The following MERTK variants were observed in gnomAD, a reference collection of about 807,000 sequenced individuals.
The protein encoded by MERTK is MER proto-oncogene, tyrosine kinase.
In MERTK, 69 loss-of-function variants were observed where a neutral mutation model predicts 99.3. That is an observed-to-expected ratio of 0.70 (90% CI 0.57 to 0.85). The LOEUF is 0.85. Among genes scored for constraint, MERTK ranks in the 40% least tolerant of loss-of-function variants. The pLI, the probability that MERTK is intolerant of heterozygous loss-of-function variation, is 0.00. For synonymous variants in MERTK, 426 were observed against 467.6 expected (o/e 0.91, Z 1.15); for missense variants, 1,125 against 1,249.4 (o/e 0.90, Z 1.50).
chr2:111,942,128 T>C (rs982844387), intron 2 of MERTK, among the ~76,000 whole-genome samples: 6 of 152,216 alleles, frequency 3.9e-5, no homozygotes, highest in Non-Finnish European at 8.8e-5. Context: ...TGAGTCCAGC[T>C]GCAAGCCTGC....
At chr2:111,919,605 T>G (rs1170381576) in intron 1 of MERTK, among the ~76,000 whole-genome samples, 1 of 151,764 alleles carries the variant, frequency 6.6e-6, no homozygotes, top group African/African-American at 2.4e-5. Flanking sequence ...TTGGGAAGCT[T>G]CTTTTGCAAA....
At chr2:111,975,254 C>A (rs1411367307) in intron 6 of MERTK, 35 bp from the exon 7 acceptor site, 1 of 1,610,590 alleles carries the variant, frequency 6.2e-7, no homozygotes, top group Non-Finnish European at 8.5e-7. Flanking sequence ...CACCACCTTA[C>A]TAATGCCCGG....
At chr2:111,911,387 T>C (rs1338107195) in intron 1 of MERTK, among the ~76,000 whole-genome samples, 1 of 152,128 alleles carries the variant, frequency 6.6e-6, no homozygotes, top group Non-Finnish European at 1.5e-5. Flanking sequence ...TTTTGTTTTT[T>C]TGTTTTCTTT....
At chr2:112,020,005 C>G (rs1395812981) in intron 16 of MERTK, among the ~76,000 whole-genome samples, 1 of 152,216 alleles carries the variant, frequency 6.6e-6, no homozygotes, top group African/African-American at 2.4e-5. Context: ...CTTAGGTTCT[C>G]CCTATTTCTT....
At chr2:111,985,397 C>A (rs929985004) in intron 8 of MERTK, among the ~76,000 whole-genome samples, 5 of 152,040 alleles carry the variant, frequency 3.3e-5, no homozygotes, top group Admixed American at 3.3e-4. Flanking sequence ...ACAGAACATC[C>A]GTGGAAGGGC....
intron 2 of MERTK, 126 bp from the exon 3 acceptor site, chr2:111,944,834 C>G (rs537188141): frequency 3.3e-5 from 27 of 813,810 alleles, no homozygotes; most frequent in Non-Finnish European, 5.1e-5. Context: ...GTACAATGGC[C>G]TAGCCAAGCT....
chr2:111,981,230 A>G (rs771276076), intron 7 of MERTK, among the ~76,000 whole-genome samples: 107 of 152,168 alleles, frequency 7.0e-4, no homozygotes, highest in Non-Finnish European at 1.5e-3. Flanking sequence ...TTTGGTGTAT[A>G]TTATTCTAAT....
intron 1 of MERTK, among the ~76,000 whole-genome samples, chr2:111,913,513 C>T (rs2104668848): frequency 6.6e-6 from 1 of 152,138 alleles, no homozygotes; most frequent in African/African-American, 2.4e-5. Context: ...TCCAAGGAGA[C>T]TTTTTTATAG....
At chr2:111,952,900 A>C (rs1558784360) in intron 4 of MERTK, among the ~76,000 whole-genome samples, 1 of 152,248 alleles carries the variant, frequency 6.6e-6, no homozygotes, top group Admixed American at 6.5e-5. Flanking sequence ...CACAGTATTC[A>C]GTCTTGACTT....
intron 4 of MERTK, chr2:111,952,553 G>A (rs1297363271): frequency 1.3e-5 from 2 of 152,364 alleles, no homozygotes; most frequent in Admixed American, 6.5e-5. Context: ...ATCCAGGGTA[G>A]ATACCTGTCT....
intron 15 of MERTK, among the ~76,000 whole-genome samples, chr2:112,017,467 T>C (rs1677241262): frequency 6.6e-6 from 1 of 151,980 alleles, no homozygotes; most frequent in Non-Finnish European, 1.5e-5. Flanking sequence ...CCATCTCTAC[T>C]AAAAACATAA....
chr2:111,969,859 T>G (rs1253562148), intron 6 of MERTK, among the ~76,000 whole-genome samples: 1 of 151,566 alleles, frequency 6.6e-6, no homozygotes, highest in Admixed American at 6.6e-5. Flanking sequence ...GCCCAGCTAA[T>G]TTTTTGTATT....
At chr2:112,028,013 T>G (rs1319090525) in intron 18 of MERTK, among the ~76,000 whole-genome samples, 2 of 152,236 alleles carry the variant, frequency 1.3e-5, no homozygotes, top group Non-Finnish European at 2.9e-5. Context: ...TAAAACTTTA[T>G]TTACAAAGTA....
At chr2:111,935,714 A>G in intron 2 of MERTK, among the ~76,000 whole-genome samples, 1 of 150,550 alleles carries the variant, frequency 6.6e-6, no homozygotes, top group Non-Finnish European at 1.5e-5. Context: ...TAATGTATGT[A>G]TTTTGTCAAA....
At position 112,028,415 on chromosome 2, in the gene MERTK, A is replaced by G. The variant is rs769304424; in HGVS notation, c.2551A>G (p.Arg851Gly). The G allele has an allele frequency of 6.2e-7, 1 of 1,614,114 alleles. No individual in the cohort carries two copies. The highest frequency in any genetic ancestry group is 8.5e-7 in the Non-Finnish European group (1 of 1,180,020). Residue 851 changes from arginine (R) to glycine (G), a missense_variant, in exon 19 of 19, where the codon AGG (arginine) becomes GGG (glycine). Arg to Gly is a moderately radical substitution (Grantham distance 125, BLOSUM62 -2). Transcript: ENST00000295408. ...AGACCGCCCCACCTTTTCAGTATTG[A>G]GGCTGCAGCTAGAAAAACTCTTAGA... is the stretch of plus-strand genomic sequence containing the variant. ...PLDRPTFSVL[R>G]LQLEKLLESL...
intron 4 of MERTK, among the ~76,000 whole-genome samples, chr2:111,964,039 C>CT (rs1553451938): frequency 2.5e-5 from 1 of 40,480 alleles, no homozygotes; most frequent in Non-Finnish European, 5.8e-5. Flanking sequence ...CAAAAATTTT[C>CT]TTTCTTTTTT....
intron 6 of MERTK, 81 bp downstream of exon 6, chr2:111,968,333 G>A (rs2104725587): frequency 1.8e-6 from 2 of 1,095,904 alleles, no homozygotes; most frequent in African/African-American, 1.5e-5. Flanking sequence ...CCAAGGATGG[G>A]CATGGAGGGC....
intron 4 of MERTK, among the ~76,000 whole-genome samples, chr2:111,963,739 T>C (rs1271154883): frequency 6.6e-6 from 1 of 152,146 alleles, no homozygotes; most frequent in Non-Finnish European, 1.5e-5. Context: ...CAGAACAAAA[T>C]GGAGTCTCCT....
intron 1 of MERTK, 78 bp downstream of exon 1, chr2:111,898,874 C>T: frequency 7.0e-7 from 1 of 1,429,040 alleles, no homozygotes. Context: ...GGAGGGAGCG[C>T]GTCCACAGGG....
Sources: allele counts gnomAD v4.1 joint callset (sites outside exome capture counted in the v4.1 genomes callset), GRCh38; gene constraint gnomAD v4.1.1; transcripts MANE v1.5; gene names NCBI Gene and HGNC (gene_info 2026-07-23, HGNC 2026-07-21).